Variants in DNAH17 observed in about 807,000 individuals in gnomAD.
DNAH17 encodes dynein axonemal heavy chain 17.
DNAH17 carries 376 observed loss-of-function variants against 485.6 expected under a neutral mutation model. The ratio of observed to expected loss-of-function variants is 0.77; its 90% CI spans 0.71 to 0.84. DNAH17 has a LOEUF of 0.84. Ranked by LOEUF, DNAH17 falls within the 40% of genes least tolerant of loss-of-function variation. The probability of loss-of-function intolerance (pLI) is 0.00; values close to 1 mark genes in which losing one functional copy is unlikely to be tolerated. For missense variants in DNAH17, 6,370 were observed against 5,839.3 expected (o/e 1.09, Z -2.96); for synonymous variants, 3,031 against 2,405.9 (o/e 1.26, Z -7.60).
chr17:78,525,229 C>T (rs911054316), intron 24 of DNAH17, 68 bp from the exon 25 acceptor site: 32 of 1,557,766 alleles, frequency 2.1e-5, no homozygotes, highest in African/African-American at 6.7e-5. Flanking sequence ...CACTCCCCGA[C>T]GTTCTGCCCG....
At chr17:78,428,810 C>A in intron 76 of DNAH17, 103 bp from the exon 77 acceptor site, 1 of 1,374,804 alleles carries the variant, frequency 7.3e-7, no homozygotes, top group Non-Finnish European at 1.0e-6. Context: ...CCACACCTTG[C>A]TGTCTGTACA....
chr17:78,478,768 CACATCACCATCACTATCATCATA>C (rs1431243923), intron 51 of DNAH17: 1 of 435,774 alleles, frequency 2.3e-6, no homozygotes, highest in Non-Finnish European at 4.1e-6. Flanking sequence ...CTATCATCAT[CACATCACCATCACTATCATCATA>C]ACCATCACTA....
At chr17:78,510,750 G>GGC (rs2090613201) in intron 26 of DNAH17, 1 of 306,164 alleles carries the variant, frequency 3.3e-6, no homozygotes, top group Non-Finnish European at 5.7e-6. Context: ...GCGGAATTGC[G>GGC]GCCCCCCCGC....
chr17:78,530,437 A>C lies in DNAH17; in HGVS notation c.3190T>G (p.Cys1064Gly). The C allele has an allele frequency of 6.2e-7, 1 of 1,613,684 alleles. No individual in the cohort carries two copies. Among genetic ancestry groups the C allele is most frequent in the South Asian group, 1.1e-5 (1 of 91,086 alleles). The change falls in exon 21 of 81, where the codon TGC becomes GGC. Residue 1064 changes from cysteine to glycine, a missense_variant. Transcript: ENST00000389840. ...GCCTGCTTGAAGGGGCGGCAGTCGC[A>C]CTGCAGCCAGCCGTGGAACACCTTG... ...NTKVFHGWLQ[C>G]DCRPFKQALL...
rs1452699883 is a variant in DNAH17, at chr17:78,507,267, G to C, written c.4676+11C>G. 1.2e-6 allele frequency: 2 copies of C among 1,613,868 alleles called. No individual in the cohort carries two copies. Among genetic ancestry groups the C allele is most frequent in the Non-Finnish European group, 1.7e-6 (2 of 1,179,866 alleles). On this transcript the variant is annotated intron_variant, in intron 29 of 80. Coordinates refer to ENST00000389840, the MANE Select transcript of DNAH17 (RefSeq NM_173628.4). ...ACTGACTCCCCTGGTCTGGATAGGT[G>C]TGAGCCGCACCTCTTCTTCAGGGCC...
At position 78,450,702 on chromosome 17, in the gene DNAH17, C is replaced by T; in HGVS notation, c.10879G>A (p.Ala3627Thr). ...CTGACCTTCTCCTCGATCTCGCTGG[C>T]TGTGTGCTTGGTGGTCTCCAGATTC... is the stretch of plus-strand genomic sequence containing the variant. ...VENLETTKHTASEIEEKVVEA... is the reference protein window; with the variant it reads ...VENLETTKHTTSEIEEKVVEA... Residue 3627 changes from alanine to threonine, a missense_variant, in exon 67 of 81, where the codon GCC (alanine) becomes ACC (threonine). Transcript: ENST00000389840. The T allele has an allele frequency of 1.2e-6, 2 of 1,613,696 alleles. No homozygotes were observed. Among genetic ancestry groups the T allele is most frequent in the Non-Finnish European group, 8.5e-7 (1 of 1,179,798 alleles).
At chr17:78,507,432 C>T (rs757406868) in intron 28 of DNAH17, 26 bp downstream of exon 28, 17 of 1,613,204 alleles carry the variant, frequency 1.1e-5, no homozygotes, top group South Asian at 4.4e-5. Flanking sequence ...TTCTGAAGTG[C>T]GTGGGAACCA....
At chr17:78,510,736 C>G in intron 26 of DNAH17, 1 of 451,000 alleles carries the variant, frequency 2.2e-6, no homozygotes, top group South Asian at 2.8e-5. Context: ...CGCACCTGCA[C>G]TGGGCGGAAT....
At chr17:78,484,460 G>C (rs916014691) in intron 48 of DNAH17, among the ~76,000 whole-genome samples, 2 of 152,150 alleles carry the variant, frequency 1.3e-5, no homozygotes, top group Non-Finnish European at 2.9e-5. Context: ...TCCCAGCTGG[G>C]AGGCTCCTCT....
chr17:78,435,064 G>A (rs1478470654), intron 74 of DNAH17, among the ~76,000 whole-genome samples: 1 of 152,208 alleles, frequency 6.6e-6, no homozygotes, highest in Non-Finnish European at 1.5e-5. Flanking sequence ...GAGCAGCTGG[G>A]GTTCCATCAC....
intron 72 of DNAH17, 96 bp downstream of exon 72, chr17:78,440,955 G>C (rs2087051232): frequency 7.0e-7 from 1 of 1,435,444 alleles, no homozygotes; most frequent in Non-Finnish European, 9.5e-7. Flanking sequence ...TGGGTGTGAA[G>C]TGGTGTCTCA....
intron 56 of DNAH17, among the ~76,000 whole-genome samples, chr17:78,464,578 A>G (rs1253720851): frequency 6.6e-6 from 1 of 152,236 alleles, no homozygotes; most frequent in Non-Finnish European, 1.5e-5. Context: ...CCATCTTTCA[A>G]TGAAAAGAGA....
intron 25 of DNAH17, among the ~76,000 whole-genome samples, chr17:78,524,073 C>G (rs1442546235): frequency 6.6e-6 from 1 of 152,198 alleles, no homozygotes; most frequent in Non-Finnish European, 1.5e-5. Flanking sequence ...TATTAGGAGG[C>G]AGGGCCTTTG....
chr17:78,526,856 G>A (rs541878608), intron 23 of DNAH17, 24 bp downstream of exon 23: 9 of 1,558,206 alleles, frequency 5.8e-6, no homozygotes, highest in Middle Eastern at 1.7e-4. Flanking sequence ...CGGAAATCCC[G>A]CCACCCTGCC....
Position 78,529,440 on chromosome 17 carries a change from C to T in DNAH17, c.3507+32G>A, listed in dbSNP as rs747520357. On this transcript the variant is annotated intron_variant, in intron 22 of 80. Transcript: ENST00000389840. ...CGGCCGGGATGGCTCTCCCTGCTCA[C>T]CTGGACGCAGCCACACCCACCCACC... 4 of 1,610,100 alleles carry T rather than the reference C, an allele frequency of 2.5e-6. No individual in the cohort carries two copies. The South Asian group carries it at 4.4e-5, about 18-fold the overall frequency.
At chr17:78,543,642 C>T (rs888749602) in intron 17 of DNAH17, 28 of 670,648 alleles carry the variant, frequency 4.2e-5, no homozygotes, top group Middle Eastern at 3.4e-4. Flanking sequence ...TCAAGCTGGT[C>T]TCGATCTCCT....
intron 19 of DNAH17, among the ~76,000 whole-genome samples, chr17:78,533,310 T>G (rs1269985203): frequency 1.3e-5 from 2 of 152,166 alleles, no homozygotes; most frequent in Non-Finnish European, 2.9e-5. Flanking sequence ...ACCCTCCCCC[T>G]TGCTTCAGGT....
chr17:78,429,584 G>A (rs995513034), intron 75 of DNAH17, among the ~76,000 whole-genome samples: 13 of 152,152 alleles, frequency 8.5e-5, no homozygotes, highest in Admixed American at 4.6e-4. Context: ...TTCCACAGCC[G>A]GCATGCTCTG....
chr17:78,560,177 AT>A (rs1304837095), intron 13 of DNAH17, among the ~76,000 whole-genome samples: 1 of 152,180 alleles, frequency 6.6e-6, no homozygotes, highest in East Asian at 1.9e-4. Flanking sequence ...TGGATCACTA[AT>A]TTATCCCAAG....
Sources: allele counts gnomAD v4.1 joint callset (sites outside exome capture counted in the v4.1 genomes callset), GRCh38; gene constraint gnomAD v4.1.1; transcripts MANE v1.5; gene names NCBI Gene and HGNC (gene_info 2026-07-23, HGNC 2026-07-21).